Variants in TMEM232 observed in about 807,000 individuals in gnomAD.
TMEM232 encodes transmembrane protein 232.
TMEM232 carries 80 observed loss-of-function variants against 78.8 expected under a neutral mutation model. The observed-to-expected ratio is 1.01, with a 90% CI of 0.85 to 1.22. The LOEUF (loss-of-function observed/expected upper bound fraction) is 1.22. TMEM232 is among the 50% of genes most tolerant of loss of function. TMEM232 has a pLI of 0.00. For missense variants in TMEM232, 881 were observed against 742.2 expected (o/e 1.19, Z -2.17); for synonymous variants, 297 against 254.3 (o/e 1.17, Z -1.60).
chr5:110,729,715 G>GCA (rs1195725193), upstream of TMEM232, among the ~76,000 whole-genome samples: 1 of 152,192 alleles, frequency 6.6e-6, no homozygotes, highest in African/African-American at 2.4e-5. Flanking sequence ...AGATTTTCCT[G>GCA]CCAAAAGACA....
intron 1 of TMEM232, among the ~76,000 whole-genome samples, chr5:110,683,866 T>C (rs1032408599): frequency 1.3e-5 from 2 of 151,978 alleles, no homozygotes; most frequent in African/African-American, 4.8e-5. Flanking sequence ...GAGATGGGTT[T>C]AGTCTCAGAA....
At chr5:110,557,551 A>G (rs1775244159) in intron 11 of TMEM232, among the ~76,000 whole-genome samples, 2 of 152,218 alleles carry the variant, frequency 1.3e-5, no homozygotes, top group African/African-American at 2.4e-5. Context: ...TACAGGAAGC[A>G]TAGCAGCTTC....
intron 1 of TMEM232, among the ~76,000 whole-genome samples, chr5:110,708,531 T>G (rs1474417689): frequency 6.6e-6 from 1 of 152,074 alleles, no homozygotes; most frequent in Non-Finnish European, 1.5e-5. Context: ...ACTACAAAAC[T>G]TTTTGAGACA....
chr5:110,411,978 C>A (rs1270236274), intron 2 of TMEM232, among the ~76,000 whole-genome samples: 1 of 152,034 alleles, frequency 6.6e-6, no homozygotes, highest in African/African-American at 2.4e-5. Context: ...ATAAAATGCA[C>A]AATATATATT....
chr5:110,492,593 C>T (rs1765231095), intron 12 of TMEM232, among the ~76,000 whole-genome samples: 1 of 151,864 alleles, frequency 6.6e-6, no homozygotes, highest in Non-Finnish European at 1.5e-5. Flanking sequence ...TCAAACCATT[C>T]TGTTTACATT....
chr5:110,647,598 T>A (rs1159893349), intron 2 of TMEM232, among the ~76,000 whole-genome samples: 2 of 152,022 alleles, frequency 1.3e-5, no homozygotes, highest in Non-Finnish European at 2.9e-5. Flanking sequence ...AAAGAATTTT[T>A]AAAATATTTC....
intron 5 of TMEM232, among the ~76,000 whole-genome samples, chr5:110,632,502 G>A (rs1479547029): frequency 6.6e-6 from 1 of 151,746 alleles, no homozygotes; most frequent in Admixed American, 6.6e-5. Flanking sequence ...AATACAAAAA[G>A]TCAGAAAAAA....
chr5:110,423,455 G>GA (rs1449326300), intron 13 of TMEM232, among the ~76,000 whole-genome samples: 3 of 151,900 alleles, frequency 2.0e-5, no homozygotes, highest in African/African-American at 7.3e-5. Context: ...CATGAATACT[G>GA]AAAAAAATAA....
intron 5 of TMEM232, among the ~76,000 whole-genome samples, chr5:110,633,242 C>A (rs1785371128): frequency 6.6e-6 from 1 of 152,034 alleles, no homozygotes; most frequent in Non-Finnish European, 1.5e-5. Context: ...CAAGGGAGTT[C>A]TAAACCTGGA....
chr5:110,541,015 G>A (rs534376000), intron 11 of TMEM232, among the ~76,000 whole-genome samples: 1 of 152,020 alleles, frequency 6.6e-6, no homozygotes, highest in Non-Finnish European at 1.5e-5. Context: ...CAACCTTCAG[G>A]GTGCAATCCC....
intron 3 of TMEM232, among the ~76,000 whole-genome samples, chr5:110,391,621 T>A (rs1755200298): frequency 6.6e-6 from 1 of 152,114 alleles, no homozygotes. Flanking sequence ...TTAAAGGATT[T>A]GGGATGGAAA....
chr5:110,508,966 GTATA>G (rs1172918650), intron 12 of TMEM232, among the ~76,000 whole-genome samples: 2 of 124,500 alleles, frequency 1.6e-5, no homozygotes, highest in Non-Finnish European at 3.3e-5. Context: ...GTGTATATAT[GTATA>G]TATATAAAAT....
intron 12 of TMEM232, among the ~76,000 whole-genome samples, chr5:110,425,972 C>T (rs1757187909): frequency 6.6e-6 from 1 of 152,018 alleles, no homozygotes; most frequent in Non-Finnish European, 1.5e-5. Flanking sequence ...AGTGGTTTTG[C>T]CTGGTTTCTC....
At chr5:110,689,183 G>T (rs935050901) in intron 1 of TMEM232, among the ~76,000 whole-genome samples, 4 of 152,070 alleles carry the variant, frequency 2.6e-5, no homozygotes, top group Admixed American at 2.0e-4. Context: ...GTCTTCCATT[G>T]ACAGTACCCA....
At chr5:110,419,456 T>TTAAC (rs1561468405), downstream of TMEM232, among the ~76,000 whole-genome samples, 2 of 152,150 alleles carry the variant, frequency 1.3e-5, no homozygotes, top group Non-Finnish European at 2.9e-5. Context: ...ATAAAACTTC[T>TTAAC]TAACTTGAAA....
intron 12 of TMEM232, among the ~76,000 whole-genome samples, chr5:110,503,986 T>C (rs1766572077): frequency 6.6e-6 from 1 of 152,226 alleles, no homozygotes; most frequent in African/African-American, 2.4e-5. Flanking sequence ...CTTTGTGTGT[T>C]GTTCAAAATC....
chr5:110,697,781 TA>T (rs1163704628), intron 1 of TMEM232, among the ~76,000 whole-genome samples: 1 of 152,146 alleles, frequency 6.6e-6, no homozygotes, highest in Non-Finnish European at 1.5e-5. Context: ...TGGCGATCAT[TA>T]AAAAGTCAGG....
chr5:110,587,298 G>T (rs991030365), intron 10 of TMEM232, among the ~76,000 whole-genome samples: 3 of 151,770 alleles, frequency 2.0e-5, no homozygotes, highest in Non-Finnish European at 4.4e-5. Flanking sequence ...CATTTTACAG[G>T]TGTCTCACTA....
At chr5:110,672,617 G>C (rs1026933674) in intron 1 of TMEM232, among the ~76,000 whole-genome samples, 2 of 151,850 alleles carry the variant, frequency 1.3e-5, no homozygotes, top group African/African-American at 4.8e-5. Context: ...TAGAGATGTT[G>C]GAATTAAATC....
Sources: allele counts gnomAD v4.1 joint callset (sites outside exome capture counted in the v4.1 genomes callset), GRCh38; gene constraint gnomAD v4.1.1; transcripts MANE v1.5; gene names NCBI Gene and HGNC (gene_info 2026-07-23, HGNC 2026-07-21).